Variants in FAAH2 observed in about 807,000 individuals in gnomAD.
FAAH2 encodes fatty-acid amide hydrolase 2.
FAAH2 carries 60 observed loss-of-function variants against 36.9 expected under a neutral mutation model. The ratio of observed to expected loss-of-function variants is 1.63; its 90% CI spans 1.32 to 2.02. The LOEUF (loss-of-function observed/expected upper bound fraction) is 2.02, where lower values mean the gene tolerates loss of function less well. Ranked by LOEUF, FAAH2 falls within the 30% of genes most tolerant of loss-of-function variation. The pLI, the probability that FAAH2 is intolerant of heterozygous loss-of-function variation, is 0.00. For missense variants in FAAH2, 689 were observed against 397.5 expected, an observed-to-expected ratio of 1.73 and a Z score of -6.23; for synonymous variants, 214 against 143.8, an observed-to-expected ratio of 1.49 and a Z score of -3.49.
chrX:57,397,934 A>G (rs929766525), intron 7 of FAAH2, among the ~76,000 whole-genome samples: 1 of 101,497 alleles, frequency 9.9e-6, no homozygotes, highest in African/African-American at 3.7e-5. Flanking sequence ...ATTCCCACCT[A>G]TGAGTGAGAA....
At chrX:57,365,999 G>A (rs1459670790) in intron 5 of FAAH2, among the ~76,000 whole-genome samples, 6 of 111,951 alleles carry the variant, frequency 5.4e-5, no homozygotes, top group Admixed American at 9.5e-5. Context: ...ATGTTGATGA[G>A]CTTCCTTGCT....
chrX:57,234,366 A>T, the FAAH2 span, among the ~76,000 whole-genome samples: 2 of 111,722 alleles, frequency 1.8e-5, no homozygotes, highest in Non-Finnish European at 3.8e-5. Context: ...ACCCACTTTT[A>T]AACTATTTAT....
chrX:57,483,088 C>A lies in FAAH2; in HGVS notation c.1424-5669C>A, dbSNP rs756017769. ...TTAGCAAAATGTTCCTGAATTATTTCCTCACGTATGTTTTCAAGGTTGTTT... is the reference window on the plus strand; with the variant it reads ...TTAGCAAAATGTTCCTGAATTATTTACTCACGTATGTTTTCAAGGTTGTTT... On this transcript the variant is annotated intron_variant, in intron 10 of 10. Transcript: ENST00000374900. Among the ~76,000 whole-genome samples the A allele has an allele frequency of 2.7e-5, 3 of 111,575 alleles. No homozygotes were observed. In the South Asian group the frequency reaches 1.1e-3, roughly 41 times the overall value.
upstream of FAAH2, among the ~76,000 whole-genome samples, chrX:57,284,771 C>T (rs1326841550): frequency 1.8e-5 from 2 of 111,359 alleles, no homozygotes; most frequent in East Asian, 5.6e-4. Context: ...AAAACAGAAG[C>T]TTTACATCCA....
chrX:57,328,055 A>T (rs2053272514), intron 3 of FAAH2, among the ~76,000 whole-genome samples: 1 of 111,891 alleles, frequency 8.9e-6, no homozygotes, highest in African/African-American at 3.2e-5. Flanking sequence ...TTTCCTTCTA[A>T]CGGTCAGGAC....
In FAAH2 at chrX:57,344,820, C is replaced by T. The variant is rs1319874028; in HGVS notation, c.742+3430C>T. ...GGAATGTTTGATTTTATTGAAGTCT[C>T]TTTCTGAATCTATTGAGATGATTAT... On this transcript the variant is annotated intron_variant, in intron 5 of 10. Transcript: ENST00000374900. Among the ~76,000 whole-genome samples the T allele has an allele frequency of 4.5e-5, 5 of 111,264 alleles. No individual in the cohort carries two copies. The East Asian group carries it at 1.1e-3, about 25-fold the overall frequency.
the FAAH2 span, among the ~76,000 whole-genome samples, chrX:57,240,258 G>T: frequency 9.0e-6 from 1 of 111,323 alleles, no homozygotes. Context: ...GTTGGGTTTA[G>T]TTGATGGCCT....
chrX:57,378,283 C>T (rs933024805), intron 5 of FAAH2, among the ~76,000 whole-genome samples: 5 of 111,693 alleles, frequency 4.5e-5, no homozygotes, highest in Non-Finnish European at 5.6e-5. Context: ...TGACTTTATC[C>T]TCTATGCCAG....
the FAAH2 span, among the ~76,000 whole-genome samples, chrX:57,248,678 G>A: frequency 7.3e-4 from 75 of 103,363 alleles, no homozygotes; most frequent in African/African-American, 2.5e-3. Flanking sequence ...GCTTGAACCC[G>A]GGAGGCGGAG....
intron 8 of FAAH2, among the ~76,000 whole-genome samples, chrX:57,433,550 C>A (rs1260085626): frequency 3.6e-5 from 4 of 112,066 alleles, no homozygotes; most frequent in South Asian, 3.6e-4. Context: ...CACATACATA[C>A]AATGTGTAGT....
At chrX:57,483,215 A>AT (rs1427774758) in intron 10 of FAAH2, among the ~76,000 whole-genome samples, 1 of 110,808 alleles carries the variant, frequency 9.0e-6, no homozygotes, top group Non-Finnish European at 1.9e-5. Context: ...TTTTAAAATT[A>AT]TTTTTTTCTT....
chrX:57,404,401 A>G (rs1266051515), intron 7 of FAAH2, among the ~76,000 whole-genome samples: 4 of 112,119 alleles, frequency 3.6e-5, no homozygotes, highest in Non-Finnish European at 7.5e-5. Context: ...CCACTATATG[A>G]ATATGTGCCT....
chrX:57,393,559 G>T, intron 7 of FAAH2: 2 of 949,759 alleles, frequency 2.1e-6, no homozygotes, highest in Non-Finnish European at 1.5e-6. Flanking sequence ...ACACTGGAGT[G>T]CCCTCCAATC....
chrX:57,453,035 T>C (rs984523682), intron 10 of FAAH2, among the ~76,000 whole-genome samples: 2 of 111,796 alleles, frequency 1.8e-5, no homozygotes, highest in Non-Finnish European at 3.8e-5. Flanking sequence ...TACTGCTACA[T>C]CCAACAGCTT....
chrX:57,146,331 G>C, the FAAH2 span, among the ~76,000 whole-genome samples: 16 of 111,491 alleles, frequency 1.4e-4, no homozygotes, highest in East Asian at 2.0e-3. Flanking sequence ...TGTGGCAATT[G>C]TGAAAGGGAT....
rs887264225 is a variant in FAAH2 at position 57,295,799 on chromosome X, A to T, written c.275+3219A>T. 5.3e-5 allele frequency among the ~76,000 whole-genome samples: 6 copies of T among 112,625 alleles called. No homozygotes were observed. In the Admixed American group the frequency reaches 5.6e-4, roughly 11 times the overall value. ...CAACAAGCTTAACAAAGGACACACC[A>T]GGAGATTATATCCCGCACTTGGATC... On this transcript the variant is annotated intron_variant, in intron 2 of 10. Transcript: ENST00000374900.
intron 10 of FAAH2, among the ~76,000 whole-genome samples, chrX:57,466,936 A>C (rs974475262): frequency 1.8e-5 from 2 of 111,345 alleles, no homozygotes. Flanking sequence ...CTGAATCTTG[A>C]GCTTTAATAA....
the FAAH2 span, among the ~76,000 whole-genome samples, chrX:57,251,761 A>G: frequency 5.4e-5 from 6 of 111,891 alleles, no homozygotes; most frequent in African/African-American, 2.0e-4. Flanking sequence ...GCTCTGGTCT[A>G]CAGTTCCCAG....
At chrX:57,231,064 T>TGTGTGTGA in the FAAH2 span, among the ~76,000 whole-genome samples, 2 of 109,133 alleles carry the variant, frequency 1.8e-5, no homozygotes, top group African/African-American at 3.4e-5. Context: ...TGTGTGTGTG[T>TGTGTGTGA]GTGAGTGTGT....
Sources: allele counts gnomAD v4.1 joint callset (sites outside exome capture counted in the v4.1 genomes callset), GRCh38; gene constraint gnomAD v4.1.1; transcripts MANE v1.5; gene names NCBI Gene and HGNC (gene_info 2026-07-23, HGNC 2026-07-21).